The following SP140L variants were observed in gnomAD, a reference collection of about 807,000 sequenced individuals.
The protein encoded by SP140L is nuclear body protein SP140-like protein.
SP140L carries 64 observed loss-of-function variants against 84.3 expected under a neutral mutation model. That is an observed-to-expected ratio of 0.76 (90% CI 0.62 to 0.94). The LOEUF is 0.94. Ranked by LOEUF, SP140L falls within the 40% of genes least tolerant of loss-of-function variation. The pLI is 0.00. For synonymous variants in SP140L, 242 were observed against 236.9 expected, an observed-to-expected ratio of 1.02 and a Z score of -0.20; for missense variants, 628 against 692.5, an observed-to-expected ratio of 0.91 and a Z score of 1.05.
At chr2:230,400,628 G>A (rs1270280517) in intron 15 of SP140L, 5 of 521,372 alleles carry the variant, frequency 9.6e-6, no homozygotes, top group East Asian at 3.7e-5. Flanking sequence ...GAGGCCTGAC[G>A]TCCCTGGAGT....
intron 2 of SP140L, among the ~76,000 whole-genome samples, chr2:230,348,000 ATTTCCTCTTTGT>A (rs1246987355): frequency 2.6e-5 from 4 of 152,118 alleles, no homozygotes; most frequent in Non-Finnish European, 5.9e-5. Context: ...AGCCCCACTG[ATTTCCTCTTTGT>A]TTCCCATGAG....
chr2:230,402,582 G>C (rs1052291104), intron 18 of SP140L, among the ~76,000 whole-genome samples: 1 of 152,198 alleles, frequency 6.6e-6, no homozygotes, highest in African/African-American at 2.4e-5. Context: ...ATGGCTCTTT[G>C]AGATGATGAA....
chr2:230,335,521 G>C (rs2059844077), intron 2 of SP140L, among the ~76,000 whole-genome samples: 1 of 152,112 alleles, frequency 6.6e-6, no homozygotes, highest in Non-Finnish European at 1.5e-5. Context: ...CTGTCCTTGG[G>C]TTGTTTACTC....
chr2:230,384,880 C>A (rs1011098337), intron 8 of SP140L, among the ~76,000 whole-genome samples: 3 of 152,022 alleles, frequency 2.0e-5, no homozygotes, highest in Non-Finnish European at 4.4e-5. Context: ...CCACTGCACT[C>A]CAGTCTGGGA....
chr2:230,399,667 A>T (rs891210873), intron 14 of SP140L, among the ~76,000 whole-genome samples: 1 of 152,320 alleles, frequency 6.6e-6, no homozygotes, highest in African/African-American at 2.4e-5. Flanking sequence ...TCTTCAACTC[A>T]TGGGGAACTT....
intron 2 of SP140L, among the ~76,000 whole-genome samples, chr2:230,348,102 C>T (rs1197321786): frequency 1.3e-5 from 2 of 152,220 alleles, no homozygotes; most frequent in African/African-American, 4.8e-5. Context: ...CTCTTTTCCC[C>T]ACTGGAGAAA....
chr2:230,337,749 G>A (rs1249726086), intron 2 of SP140L, among the ~76,000 whole-genome samples: 1 of 151,732 alleles, frequency 6.6e-6, no homozygotes, highest in Non-Finnish European at 1.5e-5. Context: ...TATTAAATAG[G>A]GAATCCTTTC....
intron 7 of SP140L, among the ~76,000 whole-genome samples, chr2:230,374,804 G>T (rs150423053): frequency 2.5e-3 from 388 of 152,252 alleles, no homozygotes; most frequent in African/African-American, 8.9e-3. Context: ...TATGCCCATT[G>T]ATTTTTTAAG....
intron 12 of SP140L, among the ~76,000 whole-genome samples, chr2:230,392,859 C>G (rs2061881271): frequency 6.6e-6 from 1 of 152,176 alleles, no homozygotes; most frequent in African/African-American, 2.4e-5. Flanking sequence ...ATGCTTAGCT[C>G]AAATGTTACC....
rs1222883680 is a variant in SP140L, at chr2:230,341,847, G to A, written c.107+13016G>A. Among the ~76,000 whole-genome samples the A allele has an allele frequency of 5.9e-5, 9 of 152,132 alleles. No individual in the cohort carries two copies. The South Asian group carries it at 6.2e-4, about 11-fold the overall frequency. Reference sequence around the variant, plus strand: ...ACCCACTTGAGGAGGCAGTCTGCCCGTTCTCAGATCTCCAGCTGCGTGCTG... The same window carrying A: ...ACCCACTTGAGGAGGCAGTCTGCCCATTCTCAGATCTCCAGCTGCGTGCTG... On this transcript the variant is annotated intron_variant, in intron 2 of 18. Transcript: ENST00000415673.
intron 7 of SP140L, chr2:230,372,633 G>A (rs953919272): frequency 3.3e-5 from 5 of 149,930 alleles, no homozygotes; most frequent in African/African-American, 1.2e-4. Context: ...GCTGAGGCAG[G>A]AGAATGGCAT....
intron 11 of SP140L, among the ~76,000 whole-genome samples, chr2:230,390,970 C>A (rs2061777548): frequency 1.3e-5 from 2 of 152,192 alleles, no homozygotes; most frequent in African/African-American, 4.8e-5. Context: ...GCATTTTCTG[C>A]AAATGGAATC....
At chr2:230,341,224 T>C (rs374593587) in intron 2 of SP140L, among the ~76,000 whole-genome samples, 41 of 144,962 alleles carry the variant, frequency 2.8e-4, no homozygotes, top group African/African-American at 9.8e-4. Context: ...CTTCCCTTCT[T>C]GCTTCATTTC....
chr2:230,329,354 C>T (rs955123427), intron 2 of SP140L, among the ~76,000 whole-genome samples: 29 of 152,156 alleles, frequency 1.9e-4, no homozygotes, highest in African/African-American at 5.5e-4. Flanking sequence ...TTATCTTCCC[C>T]GTGGTCCTTT....
At chr2:230,389,511 G>A (rs919865197) in intron 10 of SP140L, among the ~76,000 whole-genome samples, 19 of 152,106 alleles carry the variant, frequency 1.2e-4, no homozygotes, top group Non-Finnish European at 2.6e-4. Context: ...ACCAGTCAGT[G>A]CCCAAATGGG....
intron 2 of SP140L, among the ~76,000 whole-genome samples, chr2:230,350,097 G>T (rs2060322095): frequency 6.6e-6 from 1 of 152,096 alleles, no homozygotes; most frequent in East Asian, 1.9e-4. Flanking sequence ...CCAAAAAAAT[G>T]GTAAAAAGAA....
At chr2:230,378,115 T>G (rs975196032) in intron 7 of SP140L, among the ~76,000 whole-genome samples, 11 of 152,176 alleles carry the variant, frequency 7.2e-5, no homozygotes, top group Non-Finnish European at 4.4e-5. Context: ...TTGTTGAAAG[T>G]CAGTTGGCCA....
intron 2 of SP140L, among the ~76,000 whole-genome samples, chr2:230,354,844 GAAAGGAAAGAAAGAAAGAAAGAAAGAAA>G (rs1357822267): frequency 4.1e-4 from 34 of 83,868 alleles, no homozygotes; most frequent in African/African-American, 1.4e-3. Flanking sequence ...AAGAAAGAAA[GAAAGGAAAGAAAGAAAGAAAGAAAGAAA>G]GAAAGAAAGA....
Position 230,357,679 on chromosome 2 carries a change from C to CT in SP140L, c.108-125dup. 4 of 913,184 alleles carry CT rather than the reference C, an allele frequency of 4.4e-6. No homozygotes were observed. In the South Asian group the frequency reaches 7.1e-5, roughly 16 times the overall value. 56.6% of individuals were successfully genotyped at this position (913,184 alleles called of 1,614,324 possible). A position where few individuals can be genotyped will look rare whatever the true frequency, so the allele number is the denominator to read the frequency against. On this transcript the variant is annotated intron_variant, in intron 2 of 18. Transcript: ENST00000415673. ...TCAATTCCATTTATTCTGGGCTCTA[C>CT]TGAGGACCACCTATTTTATATATGT...
Sources: gnomAD v4.1 joint callset for allele counts (sites outside exome capture counted in the v4.1 genomes callset) on GRCh38, gnomAD v4.1.1 for gene constraint, MANE v1.5 for transcripts, NCBI Gene and HGNC (gene_info 2026-07-23, HGNC 2026-07-21) for gene names.